Variants in MELTF observed in about 807,000 individuals in gnomAD.
MELTF encodes the protein melanotransferrin.
In MELTF, 67 loss-of-function variants were observed where a neutral mutation model predicts 83.7. That is an observed-to-expected ratio of 0.80 (90% CI 0.66 to 0.98). The LOEUF (loss-of-function observed/expected upper bound fraction) is 0.98. Among genes scored for constraint, MELTF ranks in the 50% least tolerant of loss-of-function variants. The pLI, the probability that MELTF is intolerant of heterozygous loss-of-function variation, is 0.00. For synonymous variants in MELTF, 462 were observed against 447.6 expected, an observed-to-expected ratio of 1.03 and a Z score of -0.41; for missense variants, 1,002 against 1,035.6, an observed-to-expected ratio of 0.97 and a Z score of 0.44.
chr3:197,026,685 C>T lies in MELTF; in HGVS notation c.279G>A (p.Pro93=), dbSNP rs138189044. Reference sequence around the variant, plus strand: ...CTTGATCGTACACTTCGCCCACCACCGGCTTCAGGCCGTGCTCCTTTCCCG... The same window carrying T: ...CTTGATCGTACACTTCGCCCACCACTGGCTTCAGGCCGTGCTCCTTTCCCG... ...YEAGKEHGLK[P]VVGEVYDQEV... is the part of the protein sequence containing the mutation. Residue 93 remains proline (P), a synonymous_variant, in exon 3 of 16, where the codon CCG becomes CCA. Transcript: ENST00000296350. 133 of 1,613,354 alleles carry T rather than the reference C, an allele frequency of 8.2e-5. No homozygotes were observed. Among genetic ancestry groups the T allele is most frequent in the African/African-American group, 6.4e-4 (48 of 74,956 alleles).
chr3:197,017,406 A>G, intron 6 of MELTF, 116 bp from the exon 7 acceptor site: 3 of 945,968 alleles, frequency 3.2e-6, no homozygotes, highest in Non-Finnish European at 3.1e-6. Flanking sequence ...ATGAGAACCC[A>G]GCATTCAGAA....
chr3:197,017,241 C>A lies in MELTF; in HGVS notation c.762G>T (p.Glu254Asp). Residue 254 changes from glutamate to aspartate, a missense_variant, in exon 7 of 16, where the codon GAG (glutamate) becomes GAT (aspartate). Physicochemically the swap from Glu to Asp is conservative, Grantham distance 45. Coordinates refer to ENST00000296350, the MANE Select transcript of MELTF (RefSeq NM_005929.6). ...WGQALLSQDF[E>D]LLCRDGSRAD... The stretch of plus-strand genomic sequence containing the variant: ...CCCGGCTACCATCCCGGCACAGCAG[C>A]TCGAAGTCCTGTGACAGCAGGGCCT... 6.3e-7 allele frequency: 1 copy of A among 1,587,364 alleles called. No homozygotes were observed. Among genetic ancestry groups the A allele is most frequent in the Middle Eastern group, 1.7e-4 (1 of 6,016 alleles).
chr3:197,017,659 C>T (rs1047623461), intron 6 of MELTF, among the ~76,000 whole-genome samples: 12 of 152,042 alleles, frequency 7.9e-5, no homozygotes, highest in East Asian at 3.9e-4. Context: ...GGGCGGATCA[C>T]GAGGTCAGGA....
chr3:197,014,698 T>C (rs558272296), intron 9 of MELTF, among the ~76,000 whole-genome samples: 2 of 152,108 alleles, frequency 1.3e-5, no homozygotes, highest in African/African-American at 4.8e-5. Flanking sequence ...CCAGGAGAGA[T>C]AGGAGGAATA....
At position 197,002,602 on chromosome 3, in the gene MELTF, G is replaced by C. The variant is rs932215829; in HGVS notation, c.*770C>G. ...GTCACCTCCGGCTCCCTTCAGGCGG[G>C]GGGCGGCTGCTGCCGCCAGGCTCGG... is the stretch of plus-strand genomic sequence containing the variant. On this transcript the variant is annotated 3_prime_UTR_variant, in exon 16 of 16. Coordinates refer to ENST00000296350, the MANE Select transcript of MELTF (RefSeq NM_005929.6). The C allele has an allele frequency of 2.6e-5, 4 of 152,326 alleles. No individual in the cohort carries two copies. Among genetic ancestry groups the C allele is most frequent in the Non-Finnish European group, 5.9e-5 (4 of 68,136 alleles). 9.4% of individuals were successfully genotyped at this position (152,326 alleles called of 1,614,324 possible). A position where few individuals can be genotyped will look rare whatever the true frequency, so the allele number is the denominator to read the frequency against.
chr3:197,022,832 A>C lies in MELTF; in HGVS notation c.644+125T>G, dbSNP rs918580267. ...ACAGAACTATATAAAGGGTGCTTTG[A>C]TGAGACGCAGCCAACATGCCACTTC... On this transcript the variant is annotated intron_variant, in intron 5 of 15. Coordinates refer to ENST00000296350, the MANE Select transcript of MELTF (RefSeq NM_005929.6). The surrounding 1 kb of genome is among the most constrained non-coding windows in gnomAD (Gnocchi z 5.1). The C allele has an allele frequency of 1.1e-6, 1 of 905,406 alleles. No homozygotes were observed. Among genetic ancestry groups the C allele is most frequent in the South Asian group, 1.6e-5 (1 of 61,752 alleles). The allele number at this position is 905,406 out of a possible 1,614,324, so 56.1% of individuals were successfully genotyped here. A position where few individuals can be genotyped will look rare whatever the true frequency, so the allele number is the denominator to read the frequency against.
Position 197,026,681 on chromosome 3 carries a change from C to T in MELTF, c.283G>A (p.Val95Met), listed in dbSNP as rs1440864787. 1.2e-6 allele frequency: 2 copies of T among 1,613,466 alleles called. No individual in the cohort carries two copies. The highest frequency in any genetic ancestry group is 1.7e-6 in the Non-Finnish European group (2 of 1,180,004). ...TTACCTTGATCGTACACTTCGCCCA[C>T]CACCGGCTTCAGGCCGTGCTCCTTT... The part of the protein sequence containing the change: ...AGKEHGLKPV[V>M]GEVYDQEVGT... The change falls in exon 3 of 16, where the codon GTG becomes ATG. Residue 95 changes from valine to methionine, a missense_variant. Physicochemically the swap from Val to Met is conservative, Grantham distance 21. Transcript: ENST00000296350.
At chr3:197,023,821 GC>G in intron 4 of MELTF, 1 of 456,016 alleles carries the variant, frequency 2.2e-6, no homozygotes, top group Non-Finnish European at 4.4e-6. Context: ...AGAGGGTGAG[GC>G]TTCCAGGCTC....
chr3:197,018,994 A>C, intron 6 of MELTF: 1 of 985,446 alleles, frequency 1.0e-6, no homozygotes. Context: ...ACAAGGAGGA[A>C]AAAAACCTCT....
Position 197,011,850 on chromosome 3 carries a change from G to C in MELTF, c.1234-1056C>G, listed in dbSNP as rs1276773390. ...TTTGCTGGGGTTCTGAGGAGCCCCT[G>C]AAGTCTCTCCTCTTCCTGCAGGCCC... On this transcript the variant is annotated intron_variant, in intron 9 of 15. Transcript: ENST00000296350. The surrounding 1 kb of genome is among the most constrained non-coding windows in gnomAD (Gnocchi z 4.2). Among the ~76,000 whole-genome samples the C allele has an allele frequency of 6.6e-6, 1 of 152,106 alleles. No homozygotes were observed. The highest frequency in any genetic ancestry group is 1.5e-5 in the Non-Finnish European group (1 of 68,016).
chr3:197,011,048 A>G lies in MELTF; in HGVS notation c.1234-254T>C, dbSNP rs908664234. ...CCACGCAGCACTCCTGCGCGTGGCC[A>G]CCCAGGGTCCCCTGTGTCCCTGCTC... On this transcript the variant is annotated intron_variant, in intron 9 of 15. Transcript: ENST00000296350. The surrounding 1 kb of genome is among the most constrained non-coding windows in gnomAD (Gnocchi z 4.2). Among the ~76,000 whole-genome samples the G allele has an allele frequency of 6.6e-6, 1 of 152,100 alleles. No homozygotes were observed. Among genetic ancestry groups the G allele is most frequent in the African/African-American group, 2.4e-5 (1 of 41,424 alleles).
rs1718989893 is a variant in MELTF, at chr3:197,006,650, G to A, written c.1837C>T (p.Gln613Ter). 4.4e-6 allele frequency: 7 copies of A among 1,608,206 alleles called. No individual in the cohort carries two copies. Among genetic ancestry groups the A allele is most frequent in the Middle Eastern group, 1.7e-4 (1 of 6,052 alleles). Residue 613 changes from glutamine (Q) to a stop codon, truncating the protein, a stop_gained, in exon 14 of 16, where the codon CAG (glutamine) becomes TAG (stop). Coordinates refer to ENST00000296350, the MANE Select transcript of MELTF (RefSeq NM_005929.6). LOFTEE classifies it high-confidence loss of function. The surrounding 1 kb of genome is among the most constrained non-coding windows in gnomAD (Gnocchi z 5.4). ...CPNGARAEVS[Q>*]FAACNLAQIP... ...TGTGCCAGGTTGCAGGCTGCAAACT[G>A]GGACACCTCGGCTCGGGCCCCGTTG...
intron 4 of MELTF, chr3:197,023,796 C>T (rs1719728149): frequency 4.4e-6 from 2 of 455,288 alleles, no homozygotes; most frequent in Admixed American, 4.7e-5. Flanking sequence ...GCCACTCACA[C>T]CTGGCCACCA....
In MELTF at chr3:197,009,689, C is replaced by T. The variant is rs750961407; in HGVS notation, c.1454G>A (p.Gly485Asp). 10 of 1,613,702 alleles carry T rather than the reference C, an allele frequency of 6.2e-6. No homozygotes were observed. The Admixed American group carries it at 6.7e-5, about 11-fold the overall frequency. The change falls in exon 11 of 16, where the codon GGC becomes GAC. Residue 485 changes from glycine to aspartate, a missense_variant. Coordinates refer to ENST00000296350, the MANE Select transcript of MELTF (RefSeq NM_005929.6). ...SCHAGFGSPA[G>D]WDVPVGALIQ... is the part of the protein sequence containing the mutation. Reference sequence around the variant, plus strand: ...AAGGGCACCCACGGGGACATCCCAGCCTGCAGGGCTGCCGAAACCGGCGTG... The same window carrying T: ...AAGGGCACCCACGGGGACATCCCAGTCTGCAGGGCTGCCGAAACCGGCGTG...
chr3:197,024,168 CG>C lies in MELTF; in HGVS notation c.487+134del. ...GGAGGCGGGGGAGGCACGGGGCGGG[CG>C]GGGGCTGCTGCGCCTTCCAGGAATG... is the stretch of plus-strand genomic sequence containing the variant. On this transcript the variant is annotated intron_variant, in intron 4 of 15. Coordinates refer to ENST00000296350, the MANE Select transcript of MELTF (RefSeq NM_005929.6). This position sits in a 1 kb window ranked among gnomAD's most constrained non-coding sequence, Gnocchi z 5.3. 2 of 721,348 alleles carry C rather than the reference CG, an allele frequency of 2.8e-6. No homozygotes were observed. Among genetic ancestry groups the C allele is most frequent in the Non-Finnish European group, 3.7e-6 (2 of 536,804 alleles). 44.7% of individuals were successfully genotyped at this position (721,348 alleles called of 1,614,324 possible). A position where few individuals can be genotyped will look rare whatever the true frequency, so the allele number is the denominator to read the frequency against.
intron 8 of MELTF, 29 bp from the exon 9 acceptor site, chr3:197,015,545 C>T: frequency 6.3e-7 from 1 of 1,596,994 alleles, no homozygotes; most frequent in Non-Finnish European, 8.5e-7. Flanking sequence ...GCGGTCACTG[C>T]CAGGCCAGTA....
intron 3 of MELTF, chr3:197,026,146 A>C: frequency 6.4e-6 from 1 of 157,372 alleles, no homozygotes; most frequent in Non-Finnish European, 1.4e-5. Flanking sequence ...TCTGGGTGAC[A>C]GCGCAGGTGT....
rs767821906 is a variant in MELTF at position 197,024,361 on chromosome 3, G to A, written c.429C>T (p.Pro143=). The change falls in exon 4 of 16, where the codon CCC becomes CCT. Residue 143 remains proline (P), a synonymous_variant. Coordinates refer to ENST00000296350, the MANE Select transcript of MELTF (RefSeq NM_005929.6). This position sits in a 1 kb window ranked among gnomAD's most constrained non-coding sequence, Gnocchi z 5.3. ...GINRTVGWNV[P]VGYLVESGRL... is the part of the protein sequence containing the mutation. The stretch of plus-strand genomic sequence containing the variant: ...GGCCGCTCTCCACCAGGTAGCCCAC[G>A]GGCACGTTCCAGCCCACTGTGCGAT... 1.7e-5 allele frequency: 28 copies of A among 1,602,192 alleles called. No individual in the cohort carries two copies. The highest frequency in any genetic ancestry group is 2.2e-5 in the South Asian group (2 of 90,598).
In MELTF at chr3:197,024,214, G is replaced by A; in HGVS notation, c.487+89C>T. On this transcript the variant is annotated intron_variant, in intron 4 of 15. Transcript: ENST00000296350. This position sits in a 1 kb window ranked among gnomAD's most constrained non-coding sequence, Gnocchi z 5.3. ...GGAATGAAGAATGGTGGCGAGGCCG[G>A]AGGGAGGCTACCCAGTGAAGGGACG... The A allele has an allele frequency of 7.2e-7, 1 of 1,386,146 alleles. No homozygotes were observed. Among genetic ancestry groups the A allele is most frequent in the Non-Finnish European group, 9.8e-7 (1 of 1,019,638 alleles). The allele number at this position is 1,386,146 out of a possible 1,614,324, so 85.9% of individuals were successfully genotyped here.
Sources: gnomAD v4.1 joint callset for allele counts (sites outside exome capture counted in the v4.1 genomes callset) on GRCh38, gnomAD v4.1.1 for gene constraint, Gnocchi (gnomAD v3.1) non-coding constraint, MANE v1.5 for transcripts, NCBI Gene and HGNC (gene_info 2026-07-23, HGNC 2026-07-21) for gene names.